Variants in THSD4 observed in about 807,000 individuals in gnomAD.
THSD4 encodes the protein thrombospondin type-1 domain-containing protein 4.
A neutral mutation model predicts 119.0 loss-of-function variants in THSD4; 69 were observed. That is an observed-to-expected ratio of 0.58 (90% confidence interval 0.48 to 0.71). The LOEUF is 0.71. THSD4 is among the 30% of genes least tolerant of loss of function. The pLI is 0.00. For missense variants in THSD4, 1,393 were observed against 1,391.1 expected, an observed-to-expected ratio of 1.00 and a Z score of -0.02; for synonymous variants, 524 against 540.4, an observed-to-expected ratio of 0.97 and a Z score of 0.42.
At chr15:71,696,902 A>G (rs192172051) in intron 8 of THSD4, among the ~76,000 whole-genome samples, 2 of 152,304 alleles carry the variant, frequency 1.3e-5, no homozygotes, top group African/African-American at 4.8e-5. Context: ...CCCAGCCACA[A>G]GTCCACCCAA....
chr15:71,108,924 G>A (rs1271603386), intron 1 of THSD4, among the ~76,000 whole-genome samples: 3 of 152,124 alleles, frequency 2.0e-5, no homozygotes, highest in African/African-American at 7.2e-5. Flanking sequence ...TGTGAGAGGC[G>A]GAGGTTGCAG....
chr15:71,651,625 A>G (rs954043744), intron 7 of THSD4, among the ~76,000 whole-genome samples: 2 of 149,262 alleles, frequency 1.3e-5, no homozygotes, highest in African/African-American at 4.9e-5. Context: ...TTGGAAATAC[A>G]AGATTTGAAT....
upstream of THSD4, chr15:71,111,527 A>T: frequency 1.3e-6 from 1 of 795,680 alleles, no homozygotes; most frequent in Non-Finnish European, 2.0e-6. Flanking sequence ...AAGTTGACCA[A>T]CTCTCAAAGT....
chr15:71,337,547 A>G (rs1364298546), intron 6 of THSD4, among the ~76,000 whole-genome samples: 1 of 152,252 alleles, frequency 6.6e-6, no homozygotes, highest in East Asian at 1.9e-4. Context: ...GTCTGGCCTG[A>G]TAAATAGCTA....
intron 7 of THSD4, among the ~76,000 whole-genome samples, chr15:71,504,267 T>C (rs1051227598): frequency 6.6e-6 from 1 of 152,140 alleles, no homozygotes; most frequent in Non-Finnish European, 1.5e-5. Flanking sequence ...TGGCCTATGA[T>C]AGGGCTCTGA....
At chr15:71,360,644 G>A (rs755950519) in intron 6 of THSD4, among the ~76,000 whole-genome samples, 1 of 152,166 alleles carries the variant, frequency 6.6e-6, no homozygotes, top group Non-Finnish European at 1.5e-5. Flanking sequence ...TATTTTGCTA[G>A]CATATGACTC....
chr15:71,349,213 G>A (rs2045710774), intron 6 of THSD4, among the ~76,000 whole-genome samples: 1 of 152,168 alleles, frequency 6.6e-6, no homozygotes, highest in Non-Finnish European at 1.5e-5. Context: ...AGGCTACTCT[G>A]AGTTACAGGG....
chr15:71,642,518 C>G (rs1483997142), intron 7 of THSD4, among the ~76,000 whole-genome samples: 2 of 152,248 alleles, frequency 1.3e-5, no homozygotes, highest in East Asian at 3.9e-4. Flanking sequence ...TATTGTGGCT[C>G]TATTCACAAT....
At chr15:71,594,392 A>G (rs2049868355) in intron 7 of THSD4, among the ~76,000 whole-genome samples, 1 of 152,046 alleles carries the variant, frequency 6.6e-6, no homozygotes. Context: ...TATTTTTAGT[A>G]GAGACAGGGT....
At chr15:71,776,689 G>GA (rs72140959) in intron 17 of THSD4, among the ~76,000 whole-genome samples, 42 of 148,568 alleles carry the variant, frequency 2.8e-4, no homozygotes, top group East Asian at 5.9e-4. Context: ...GTTTGCACTA[G>GA]AAAAAAAAAA....
chr15:71,315,653 G>A (rs1457970293), intron 6 of THSD4, among the ~76,000 whole-genome samples: 1 of 152,176 alleles, frequency 6.6e-6, no homozygotes, highest in East Asian at 1.9e-4. Flanking sequence ...TACTGAGGTG[G>A]CGGCGGGGAG....
At chr15:71,164,422 A>T (rs2043272509) in intron 3 of THSD4, among the ~76,000 whole-genome samples, 1 of 147,462 alleles carries the variant, frequency 6.8e-6, no homozygotes, top group Non-Finnish European at 1.5e-5. Flanking sequence ...AACAACAATT[A>T]TTTCGTATAA....
At chr15:71,659,795 G>C (rs1044358296) in intron 7 of THSD4, among the ~76,000 whole-genome samples, 1 of 152,196 alleles carries the variant, frequency 6.6e-6, no homozygotes, top group African/African-American at 2.4e-5. Context: ...AAAGATCTTA[G>C]AATGAGTAAT....
intron 8 of THSD4, among the ~76,000 whole-genome samples, chr15:71,699,299 G>A (rs2052235915): frequency 1.7e-5 from 1 of 57,744 alleles, no homozygotes; most frequent in African/African-American, 1.2e-4. Flanking sequence ...TGCAAGCTCC[G>A]CCTCCCGGGT....
chr15:71,704,764 A>G (rs2052362505), intron 8 of THSD4, among the ~76,000 whole-genome samples: 1 of 152,240 alleles, frequency 6.6e-6, no homozygotes, highest in Admixed American at 6.5e-5. Flanking sequence ...AATGATTTGT[A>G]TGACAGACCA....
intron 7 of THSD4, among the ~76,000 whole-genome samples, chr15:71,577,983 A>G (rs1472987303): frequency 6.6e-6 from 1 of 150,914 alleles, no homozygotes; most frequent in Admixed American, 6.6e-5. Flanking sequence ...GGAGGCTGCT[A>G]CTCTCTACCA....
rs377467245 is a variant in THSD4, at chr15:71,320,262, A to G, written c.1015+63547A>G. On this transcript the variant is annotated intron_variant, in intron 6 of 17. Coordinates refer to ENST00000261862, the MANE Select transcript of THSD4 (RefSeq NM_024817.3). ...AATTCCATATTGCCTTACATTTTATATAAGTTGTAAGCTCATAAAACATCT... is the reference window on the plus strand; with the variant it reads ...AATTCCATATTGCCTTACATTTTATGTAAGTTGTAAGCTCATAAAACATCT... 1.4e-3 allele frequency among the ~76,000 whole-genome samples: 206 copies of G among 152,326 alleles called. 12 individuals carry two copies. In the South Asian group the frequency reaches 0.04, roughly 30 times the overall value.
At chr15:71,471,098 T>C (rs80113514) in intron 7 of THSD4, among the ~76,000 whole-genome samples, 4,450 of 152,300 alleles carry the variant, frequency 0.029, 104 homozygotes, top group South Asian at 0.064. Flanking sequence ...TTGGCCTTGA[T>C]GCCTGTCGGT....
intron 1 of THSD4, among the ~76,000 whole-genome samples, chr15:71,125,567 C>T (rs1764221268): frequency 6.6e-6 from 1 of 152,266 alleles, no homozygotes; most frequent in African/African-American, 2.4e-5. Flanking sequence ...GGGTCACCAG[C>T]TTTCCCTTAC....
Sources: allele counts gnomAD v4.1 joint callset (sites outside exome capture counted in the v4.1 genomes callset), GRCh38; gene constraint gnomAD v4.1.1; transcripts MANE v1.5; gene names NCBI Gene and HGNC (gene_info 2026-07-23, HGNC 2026-07-21).